The following AGBL4 variants were observed in gnomAD, a reference collection of about 807,000 sequenced individuals.
The protein encoded by AGBL4 is AGBL carboxypeptidase 4.
In AGBL4, 58 loss-of-function variants were observed where a neutral mutation model predicts 66.4. The ratio of observed to expected loss-of-function variants is 0.87; its 90% CI spans 0.71 to 1.09. The LOEUF is 1.09. AGBL4 is among the 50% of genes least tolerant of loss of function. AGBL4 has a pLI of 0.00. For missense variants in AGBL4, 579 were observed against 631.0 expected (o/e 0.92, Z 0.88); for synonymous variants, 234 against 222.9 (o/e 1.05, Z -0.44).
At chr1:48,933,854 C>T (rs1655236360) in intron 5 of AGBL4, among the ~76,000 whole-genome samples, 2 of 152,180 alleles carry the variant, frequency 1.3e-5, no homozygotes, top group African/African-American at 4.8e-5. Context: ...CTGTTTGGGA[C>T]AGTGAAAAGA....
intron 2 of AGBL4, among the ~76,000 whole-genome samples, chr1:49,702,773 A>C (rs1647124133): frequency 6.6e-6 from 1 of 152,184 alleles, no homozygotes; most frequent in South Asian, 2.1e-4. Context: ...TATCCCAGAA[A>C]TTCAAAGTTG....
Position 49,537,710 on chromosome 1 carries a change from G to A in AGBL4, c.282+159603C>T, listed in dbSNP as rs1570975575. Among the ~76,000 whole-genome samples the A allele has an allele frequency of 2.0e-5, 3 of 152,164 alleles. No homozygotes were observed. In the South Asian group the frequency reaches 6.2e-4, roughly 31 times the overall value. ...GAGGCCAAGGCGGGCAGATCATGAGGTCAGGAGATCAAGACCATCCTGGCT... is the reference window on the plus strand; with the variant it reads ...GAGGCCAAGGCGGGCAGATCATGAGATCAGGAGATCAAGACCATCCTGGCT... On this transcript the variant is annotated intron_variant, in intron 3 of 13. Transcript: ENST00000371839.
At chr1:49,120,776 C>T (rs1271418692) in intron 4 of AGBL4, among the ~76,000 whole-genome samples, 1 of 152,164 alleles carries the variant, frequency 6.6e-6, no homozygotes, top group East Asian at 1.9e-4. Context: ...GGGAAGTTCT[C>T]CTGGGTAATA....
chr1:49,427,405 G>C (rs764835105), intron 3 of AGBL4, among the ~76,000 whole-genome samples: 7 of 150,872 alleles, frequency 4.6e-5, no homozygotes, highest in Non-Finnish European at 7.4e-5. Context: ...GTAAAGCTTG[G>C]AATACCATGA....
intron 3 of AGBL4, among the ~76,000 whole-genome samples, chr1:49,696,626 G>C (rs1229377008): frequency 6.6e-6 from 1 of 151,750 alleles, no homozygotes; most frequent in Admixed American, 6.6e-5. Flanking sequence ...TCAGACTTGG[G>C]TACCCTCCCC....
chr1:49,505,530 C>T (rs899741803), intron 3 of AGBL4, among the ~76,000 whole-genome samples: 5 of 151,904 alleles, frequency 3.3e-5, no homozygotes, highest in African/African-American at 1.2e-4. Flanking sequence ...TTTTGTCCTT[C>T]AGACCTTTGA....
rs1198137355 is a variant in AGBL4, at chr1:48,889,249, A to C, written c.595-22019T>G. On this transcript the variant is annotated intron_variant, in intron 5 of 13. Transcript: ENST00000371839. ...TTCAGTGTCACAGAAAGGAAAACAC[A>C]CATTAGCCAGATGGCAGGTTTCGGA... Among the ~76,000 whole-genome samples, 4 of 152,238 alleles carry C rather than the reference A, an allele frequency of 2.6e-5. No individual in the cohort carries two copies. In the East Asian group the frequency reaches 7.7e-4, roughly 29 times the overall value.
intron 3 of AGBL4, among the ~76,000 whole-genome samples, chr1:49,427,999 G>A (rs1303186488): frequency 5.3e-5 from 8 of 151,908 alleles, no homozygotes; most frequent in East Asian, 1.9e-4. Context: ...TGATTGGTGC[G>A]TTTTTACAGA....
chr1:49,245,008 T>G (rs957734121), intron 4 of AGBL4, among the ~76,000 whole-genome samples: 1 of 151,736 alleles, frequency 6.6e-6, no homozygotes, highest in African/African-American at 2.4e-5. Context: ...CTTAACAAAG[T>G]ACTTAACTTA....
chr1:49,375,861 G>A (rs1244196003), intron 3 of AGBL4, among the ~76,000 whole-genome samples: 3 of 151,990 alleles, frequency 2.0e-5, no homozygotes, highest in East Asian at 1.9e-4. Flanking sequence ...TGCCTTTCTC[G>A]ACAGAGTCTG....
intron 11 of AGBL4, among the ~76,000 whole-genome samples, chr1:48,556,737 TA>T (rs1382840865): frequency 6.6e-6 from 1 of 152,232 alleles, no homozygotes; most frequent in African/African-American, 2.4e-5. Flanking sequence ...CTCATGATGG[TA>T]AATTTACATT....
At chr1:48,936,195 T>A (rs548639196) in intron 5 of AGBL4, among the ~76,000 whole-genome samples, 2 of 151,002 alleles carry the variant, frequency 1.3e-5, no homozygotes, top group African/African-American at 4.9e-5. Flanking sequence ...GAGGCGGAGG[T>A]AGGAGGTAGG....
At chr1:48,605,692 G>A (rs1358262935) in intron 9 of AGBL4, among the ~76,000 whole-genome samples, 1 of 152,174 alleles carries the variant, frequency 6.6e-6, no homozygotes, top group Non-Finnish European at 1.5e-5. Context: ...CACATAGTAG[G>A]TGCTAAGGAA....
chr1:49,626,133 T>C (rs1027258352), intron 3 of AGBL4, among the ~76,000 whole-genome samples: 2 of 152,182 alleles, frequency 1.3e-5, no homozygotes, highest in South Asian at 4.1e-4. Flanking sequence ...CTATGTAGAA[T>C]GCAGTCCATA....
intron 5 of AGBL4, among the ~76,000 whole-genome samples, chr1:48,970,285 T>C (rs1658798064): frequency 6.6e-6 from 1 of 152,184 alleles, no homozygotes; most frequent in Non-Finnish European, 1.5e-5. Context: ...AAATGCCTGA[T>C]GGTTCCTTTC....
intron 1 of AGBL4, among the ~76,000 whole-genome samples, chr1:49,890,874 A>G (rs939702137): frequency 6.6e-6 from 1 of 152,196 alleles, no homozygotes; most frequent in African/African-American, 2.4e-5. Flanking sequence ...AGAGTAAGAA[A>G]TAGATTTTAT....
At chr1:49,564,139 T>C (rs1023528437) in intron 3 of AGBL4, among the ~76,000 whole-genome samples, 3 of 152,228 alleles carry the variant, frequency 2.0e-5, no homozygotes, top group Non-Finnish European at 4.4e-5. Flanking sequence ...TGTATCTCTG[T>C]GGGATCGGTG....
chr1:49,306,343 AG>A (rs1200968161), intron 3 of AGBL4, among the ~76,000 whole-genome samples: 18 of 152,212 alleles, frequency 1.2e-4, no homozygotes, highest in Non-Finnish European at 7.3e-5. Flanking sequence ...ATTTATTATA[AG>A]AATGTTAAAG....
chr1:49,112,612 G>T (rs1645435070), intron 4 of AGBL4, among the ~76,000 whole-genome samples: 1 of 152,148 alleles, frequency 6.6e-6, no homozygotes, highest in Non-Finnish European at 1.5e-5. Context: ...AATAACGAAG[G>T]TTAGAATATC....
Sources: gnomAD v4.1 joint callset for allele counts (sites outside exome capture counted in the v4.1 genomes callset) on GRCh38, gnomAD v4.1.1 for gene constraint, MANE v1.5 for transcripts, NCBI Gene and HGNC (gene_info 2026-07-23, HGNC 2026-07-21) for gene names.